The following NEDD4L variants were observed in gnomAD, a reference collection of about 807,000 sequenced individuals.
The protein encoded by NEDD4L is E3 ubiquitin-protein ligase NEDD4-like.
Under a neutral mutation model 148.9 loss-of-function variants are expected in NEDD4L, and 54 were observed. That is an observed-to-expected ratio of 0.36 (90% CI 0.29 to 0.45). The LOEUF (loss-of-function observed/expected upper bound fraction) is 0.45, where lower values mean the gene tolerates loss of function less well. Among genes scored for constraint, NEDD4L ranks in the 20% least tolerant of loss-of-function variants. The pLI, the probability that NEDD4L is intolerant of heterozygous loss-of-function variation, is 1.00. For missense variants in NEDD4L, 856 were observed against 1,233.8 expected, an observed-to-expected ratio of 0.69 and a Z score of 4.59; for synonymous variants, 433 against 440.7, an observed-to-expected ratio of 0.98 and a Z score of 0.22.
intron 9 of NEDD4L, among the ~76,000 whole-genome samples, chr18:58,328,489 A>T (rs4058287): frequency 4.6e-5 from 7 of 152,030 alleles, no homozygotes; most frequent in African/African-American, 1.7e-4. Context: ...AAAAAAATTC[A>T]TGTTGGATCA....
At chr18:58,342,104 T>G (rs1170796043) in intron 15 of NEDD4L, among the ~76,000 whole-genome samples, 1 of 152,268 alleles carries the variant, frequency 6.6e-6, no homozygotes, top group East Asian at 1.9e-4. Flanking sequence ...TTTTGCCTGT[T>G]ACCTCATTAG....
intron 1 of NEDD4L, among the ~76,000 whole-genome samples, chr18:58,161,378 G>A (rs1021273899): frequency 6.6e-6 from 1 of 151,574 alleles, no homozygotes; most frequent in Non-Finnish European, 1.5e-5. Context: ...TGTCGTTAAC[G>A]GTGAAGTTAA....
intron 2 of NEDD4L, among the ~76,000 whole-genome samples, chr18:58,239,767 T>G (rs2046421062): frequency 6.6e-6 from 1 of 152,214 alleles, no homozygotes; most frequent in Non-Finnish European, 1.5e-5. Context: ...TGTCTTTTGC[T>G]TCATGGTGAT....
chr18:58,074,323 A>G (rs759820406), intron 1 of NEDD4L, among the ~76,000 whole-genome samples: 13 of 149,684 alleles, frequency 8.7e-5, no homozygotes, highest in Non-Finnish European at 1.6e-4. Flanking sequence ...CAGTGATGCC[A>G]TCTCGGCTCA....
intron 2 of NEDD4L, among the ~76,000 whole-genome samples, chr18:58,225,900 A>G (rs553448414): frequency 6.6e-6 from 1 of 152,360 alleles, no homozygotes; most frequent in Non-Finnish European, 1.5e-5. Flanking sequence ...ATGATCTTTT[A>G]TAAAACAGCA....
intron 1 of NEDD4L, among the ~76,000 whole-genome samples, chr18:58,159,022 A>G (rs2035860075): frequency 1.3e-5 from 2 of 152,044 alleles, no homozygotes; most frequent in Non-Finnish European, 2.9e-5. Context: ...GTATAATTAG[A>G]TGGTCAATGT....
chr18:58,282,420 T>C (rs574585416), intron 5 of NEDD4L, among the ~76,000 whole-genome samples: 12 of 152,206 alleles, frequency 7.9e-5, no homozygotes, highest in Admixed American at 2.0e-4. Flanking sequence ...TTTAAATGAA[T>C]GCAGTAATTG....
intron 5 of NEDD4L, among the ~76,000 whole-genome samples, chr18:58,285,955 A>G (rs1048557153): frequency 6.6e-6 from 1 of 152,242 alleles, no homozygotes; most frequent in Non-Finnish European, 1.5e-5. Flanking sequence ...TTGCTCACCT[A>G]TGAAAAGAAT....
intron 2 of NEDD4L, among the ~76,000 whole-genome samples, chr18:58,182,501 A>G (rs1187634461): frequency 2.1e-5 from 3 of 144,322 alleles, no homozygotes. Flanking sequence ...TGACCTGAGC[A>G]TTGATACCTT....
intron 1 of NEDD4L, among the ~76,000 whole-genome samples, chr18:58,138,400 T>TCCCTCCCCTCCTCCTCTTCCC (rs1314156068): frequency 6.9e-6 from 1 of 145,728 alleles, no homozygotes; most frequent in Non-Finnish European, 1.5e-5. Flanking sequence ...CTCCTCCTCT[T>TCCCTCCCCTCCTCCTCTTCCC]TCCTCATGAA....
chr18:58,146,329 A>G (rs2034094967), intron 1 of NEDD4L, among the ~76,000 whole-genome samples: 1 of 152,116 alleles, frequency 6.6e-6, no homozygotes, highest in African/African-American at 2.4e-5. Flanking sequence ...CAACATAGGC[A>G]GATGTGTCTG....
chr18:58,401,370 C>T lies in NEDD4L; in HGVS notation c.*5101C>T, dbSNP rs1195040419. On this transcript the variant is annotated 3_prime_UTR_variant, in exon 31 of 31. Coordinates refer to ENST00000400345, the MANE Select transcript of NEDD4L (RefSeq NM_001144967.3). ...GAATTTGATACACACAGGAAGTTTT[C>T]TTGAAGAACAATCCTTTCGCTTTTC... 6.6e-6 allele frequency: 1 copy of T among 152,146 alleles called. No homozygotes were observed. Among genetic ancestry groups the T allele is most frequent in the African/African-American group, 2.4e-5 (1 of 41,428 alleles). 9.4% of individuals were successfully genotyped at this position (152,146 alleles called of 1,614,324 possible).
At chr18:58,336,142 C>T (rs572657149) in intron 13 of NEDD4L, 1 of 152,362 alleles carries the variant, frequency 6.6e-6, no homozygotes, top group East Asian at 1.9e-4. Context: ...TCTAAGCCAA[C>T]CATTCTTATT....
At chr18:58,221,442 G>A (rs2043759418) in intron 2 of NEDD4L, 2 of 473,674 alleles carry the variant, frequency 4.2e-6, no homozygotes, top group African/African-American at 2.1e-5. Flanking sequence ...TGAGCTGGGT[G>A]GAGCTACTTA....
At chr18:58,340,547 C>T (rs2042290638) in intron 13 of NEDD4L, among the ~76,000 whole-genome samples, 1 of 152,138 alleles carries the variant, frequency 6.6e-6, no homozygotes, top group Non-Finnish European at 1.5e-5. Context: ...AATTTTGCCC[C>T]AGAAGCTACA....
intron 1 of NEDD4L, among the ~76,000 whole-genome samples, chr18:58,078,309 C>T (rs143999186): frequency 1.4e-3 from 206 of 152,140 alleles, no homozygotes; most frequent in African/African-American, 4.6e-3. Flanking sequence ...TTGCTGGTGG[C>T]CTTTAGTTTC....
At chr18:58,349,187 C>T (rs1415297193) in intron 16 of NEDD4L, among the ~76,000 whole-genome samples, 1 of 152,158 alleles carries the variant, frequency 6.6e-6, no homozygotes, top group Non-Finnish European at 1.5e-5. Context: ...GTTGTCCCCA[C>T]TCCCTCTTTG....
intron 20 of NEDD4L, among the ~76,000 whole-genome samples, chr18:58,365,355 C>T (rs748879072): frequency 3.9e-5 from 6 of 152,196 alleles, no homozygotes; most frequent in Non-Finnish European, 7.3e-5. Context: ...GTCTGCTACC[C>T]GGAAACCATC....
chr18:58,288,331 A>G (rs1349759679), intron 5 of NEDD4L, among the ~76,000 whole-genome samples: 1 of 152,232 alleles, frequency 6.6e-6, no homozygotes, highest in African/African-American at 2.4e-5. Context: ...AGTAACCCTG[A>G]GTAGTCTCTT....
Sources: gnomAD v4.1 joint callset for allele counts (sites outside exome capture counted in the v4.1 genomes callset) on GRCh38, gnomAD v4.1.1 for gene constraint, MANE v1.5 for transcripts, NCBI Gene and HGNC (gene_info 2026-07-23, HGNC 2026-07-21) for gene names.